ERC1: variants seen among roughly 807,000 people sequenced by gnomAD.
ERC1 encodes the protein ELKS/RAB6-interacting/CAST family member 1.
A neutral mutation model predicts 132.0 loss-of-function variants in ERC1; 56 were observed. The observed-to-expected ratio is 0.42, with a 90% CI of 0.34 to 0.53. The LOEUF (loss-of-function observed/expected upper bound fraction) is 0.53. ERC1 is among the 20% of genes least tolerant of loss of function. ERC1 has a pLI of 0.03. For missense variants in ERC1, 1,202 were observed against 1,349.9 expected (o/e 0.89, Z 1.72); for synonymous variants, 478 against 476.1 (o/e 1.00, Z -0.05).
intron 8 of ERC1, among the ~76,000 whole-genome samples, chr12:1,149,979 C>G (rs1950693772): frequency 1.3e-5 from 2 of 152,114 alleles, no homozygotes; most frequent in African/African-American, 4.8e-5. Flanking sequence ...TGGCCATCAC[C>G]AAGACTGAGA....
chr12:1,324,718 C>T (rs779959525), intron 15 of ERC1, among the ~76,000 whole-genome samples: 6 of 152,186 alleles, frequency 3.9e-5, no homozygotes, highest in South Asian at 2.1e-4. Context: ...TGTTGCTTAG[C>T]GGTCTCAAAC....
At chr12:1,020,605 A>C (rs1409262529) in intron 1 of ERC1, 1 of 152,162 alleles carries the variant, frequency 6.6e-6, no homozygotes, top group Non-Finnish European at 1.5e-5. Flanking sequence ...GGATTGGAGG[A>C]TCTTTGAAGC....
At chr12:1,142,194 C>G (rs369242587) in intron 8 of ERC1, among the ~76,000 whole-genome samples, 1 of 152,108 alleles carries the variant, frequency 6.6e-6, no homozygotes, top group Non-Finnish European at 1.5e-5. Context: ...AGCATCCAGA[C>G]CAACACATAA....
intron 15 of ERC1, among the ~76,000 whole-genome samples, chr12:1,296,430 T>TCC (rs1566514818): frequency 3.5e-4 from 41 of 118,668 alleles, no homozygotes; most frequent in African/African-American, 1.2e-3. Context: ...TTTTTTTTTT[T>TCC]GAGATGGAGT....
At chr12:1,351,369 T>G (rs2084978152) in intron 15 of ERC1, among the ~76,000 whole-genome samples, 1 of 152,244 alleles carries the variant, frequency 6.6e-6, no homozygotes, top group African/African-American at 2.4e-5. Context: ...TGTTTAGTTG[T>G]GTACAGAACT....
intron 3 of ERC1, among the ~76,000 whole-genome samples, chr12:1,100,890 A>C (rs756928056): frequency 6.4e-4 from 98 of 152,292 alleles, no homozygotes; most frequent in Admixed American, 7.8e-4. Context: ...GGAAAAGAGA[A>C]GCCTACAAAG....
chr12:1,315,790 T>C (rs914476370), intron 15 of ERC1, among the ~76,000 whole-genome samples: 1 of 151,974 alleles, frequency 6.6e-6, no homozygotes, highest in East Asian at 1.9e-4. Flanking sequence ...TATAATTGAG[T>C]TCATAGAAAG....
At chr12:1,146,189 C>G (rs149551485) in intron 8 of ERC1, among the ~76,000 whole-genome samples, 1 of 151,740 alleles carries the variant, frequency 6.6e-6, no homozygotes, top group South Asian at 2.1e-4. Flanking sequence ...AATATTGATT[C>G]TACCCATCCA....
At chr12:1,003,200 CT>C (rs1172689343) in intron 1 of ERC1, among the ~76,000 whole-genome samples, 1 of 148,178 alleles carries the variant, frequency 6.7e-6, no homozygotes, top group East Asian at 2.1e-4. Flanking sequence ...GGTAGAATTA[CT>C]TTTTTGTAAT....
intron 16 of ERC1, among the ~76,000 whole-genome samples, chr12:1,395,549 T>C (rs2090460380): frequency 6.6e-6 from 1 of 152,138 alleles, no homozygotes; most frequent in Non-Finnish European, 1.5e-5. Flanking sequence ...GTGCTAAATA[T>C]ACATGGTAAT....
At chr12:1,198,547 T>G (rs1343166887) in intron 12 of ERC1, among the ~76,000 whole-genome samples, 1 of 152,236 alleles carries the variant, frequency 6.6e-6, no homozygotes, top group African/African-American at 2.4e-5. Context: ...TTGTGGTGGT[T>G]AATTTTATCT....
intron 15 of ERC1, among the ~76,000 whole-genome samples, chr12:1,291,158 A>G (rs1366844529): frequency 6.6e-6 from 1 of 152,182 alleles, no homozygotes; most frequent in African/African-American, 2.4e-5. Flanking sequence ...ACTGCAACCC[A>G]AGAATGTTGA....
intron 17 of ERC1, among the ~76,000 whole-genome samples, chr12:1,420,499 A>G (rs1315939415): frequency 6.6e-6 from 1 of 152,154 alleles, no homozygotes; most frequent in African/African-American, 2.4e-5. Flanking sequence ...TCTGTCACCC[A>G]GGCTGTAGTG....
chr12:1,138,134 T>A (rs1231018436), intron 7 of ERC1, among the ~76,000 whole-genome samples: 2 of 115,942 alleles, frequency 1.7e-5, no homozygotes, highest in Non-Finnish European at 3.3e-5. Context: ...ATATTATATA[T>A]AATATAATTA....
chr12:1,137,123 A>G, intron 7 of ERC1, among the ~76,000 whole-genome samples: 1 of 123,998 alleles, frequency 8.1e-6, no homozygotes, highest in Non-Finnish European at 1.6e-5. Flanking sequence ...TTTTTGAGAC[A>G]GAGTCTCACT....
chr12:1,191,620 A>G (rs1365717907), intron 12 of ERC1, among the ~76,000 whole-genome samples: 5 of 152,186 alleles, frequency 3.3e-5, no homozygotes, highest in Non-Finnish European at 7.3e-5. Context: ...ATGTGAACTG[A>G]AGGAGAGTAA....
chr12:1,299,236 G>A (rs2080210785), intron 15 of ERC1, among the ~76,000 whole-genome samples: 1 of 152,098 alleles, frequency 6.6e-6, no homozygotes, highest in Non-Finnish European at 1.5e-5. Flanking sequence ...TTTTTTAAGT[G>A]CATATGGAAG....
intron 8 of ERC1, among the ~76,000 whole-genome samples, chr12:1,160,165 T>C (rs1379476478): frequency 5.3e-5 from 8 of 152,284 alleles, no homozygotes; most frequent in Admixed American, 4.6e-4. Flanking sequence ...TGAAGGATTG[T>C]CAATCCTTCA....
At chr12:1,257,375 C>T (rs967535245) in intron 13 of ERC1, 7 of 152,188 alleles carry the variant, frequency 4.6e-5, no homozygotes, top group African/African-American at 1.7e-4. Context: ...TCAGTATTCA[C>T]TGTTTTCTTA....
Sources: gnomAD v4.1 joint callset for allele counts (sites outside exome capture counted in the v4.1 genomes callset) on GRCh38, gnomAD v4.1.1 for gene constraint, MANE v1.5 for transcripts, NCBI Gene and HGNC (gene_info 2026-07-23, HGNC 2026-07-21) for gene names.